The following SERPINH1 variants were observed in gnomAD, a reference collection of about 807,000 sequenced individuals.
The protein encoded by SERPINH1 is serpin H1.
In SERPINH1, 22 loss-of-function variants were observed where a neutral mutation model predicts 32.3. The observed-to-expected ratio is 0.68, with a 90% CI of 0.49 to 0.97. The LOEUF (loss-of-function observed/expected upper bound fraction) is 0.97. SERPINH1 is among the 50% of genes least tolerant of loss of function. The pLI, the probability that SERPINH1 is intolerant of heterozygous loss-of-function variation, is 0.00. For missense variants in SERPINH1, 543 were observed against 576.4 expected, an observed-to-expected ratio of 0.94 and a Z score of 0.59; for synonymous variants, 251 against 245.9, an observed-to-expected ratio of 1.02 and a Z score of -0.19.
intron 1 of SERPINH1, 21 bp from the exon 2 acceptor site, chr11:75,566,295 C>T (rs1942070287): frequency 6.3e-7 from 1 of 1,576,712 alleles, no homozygotes; most frequent in African/African-American, 1.3e-5. Context: ...CAAGACCACC[C>T]TGTCTGTGCA....
At chr11:75,565,022 A>G (rs546274267) in intron 1 of SERPINH1, among the ~76,000 whole-genome samples, 3 of 152,214 alleles carry the variant, frequency 2.0e-5, no homozygotes, top group Admixed American at 6.5e-5. Context: ...GATTCCTTCT[A>G]TCCTTCCCTT....
intron 4 of SERPINH1, chr11:75,569,425 T>C: frequency 2.4e-6 from 1 of 419,408 alleles, no homozygotes; most frequent in Non-Finnish European, 4.2e-6. Flanking sequence ...ATATGTATTA[T>C]TATTATTTTT....
chr11:75,566,500 G>A lies in SERPINH1; in HGVS notation c.151G>A (p.Ala51Thr), dbSNP rs1171329004. Residue 51 changes from alanine (A) to threonine (T), a missense_variant, in exon 2 of 5, where the codon GCC (alanine) becomes ACC (threonine). Around this residue, in one of 3 missense-constraint regions of SERPINH1, gnomAD observed 109 missense variants for 102.4 expected, o/e 1.06. Transcript: ENST00000358171. ...ATLAERSAGL[A>T]FSLYQAMAKD... Reference sequence around the variant, plus strand: ...GCTTGCCGAGCGCAGCGCCGGCCTGGCCTTCAGCTTGTACCAGGCCATGGC... The same window carrying A: ...GCTTGCCGAGCGCAGCGCCGGCCTGACCTTCAGCTTGTACCAGGCCATGGC... The A allele has an allele frequency of 6.2e-7, 1 of 1,612,406 alleles. No individual in the cohort carries two copies. The highest frequency in any genetic ancestry group is 8.5e-7 in the Non-Finnish European group (1 of 1,179,806).
At position 75,566,949 on chromosome 11, in the gene SERPINH1, A is replaced by C. The variant is rs764723506; in HGVS notation, c.600A>C (p.Leu200=). 203 of 1,600,120 alleles carry C rather than the reference A, an allele frequency of 1.3e-4. No homozygotes were observed. Among genetic ancestry groups the C allele is most frequent in the Non-Finnish European group, 1.7e-4 (200 of 1,178,624 alleles). The change falls in exon 2 of 5, where the codon CTA becomes CTC. Residue 200 remains leucine (L), a synonymous_variant. Coordinates refer to ENST00000358171, the MANE Select transcript of SERPINH1 (RefSeq NM_001235.5). The part of the protein sequence containing the change: ...KDVERTDGAL[L]VNAMFFKPHW... The stretch of plus-strand genomic sequence containing the variant: ...TGGAGCGCACGGACGGCGCCCTGCT[A>C]GTCAACGCCATGTTCTTCAAGCGTG...
In SERPINH1 at chr11:75,572,410, A is replaced by T. The variant is rs1942215376; in HGVS notation, c.*327A>T. 2 of 395,596 alleles carry T rather than the reference A, an allele frequency of 5.1e-6. No homozygotes were observed. The highest frequency in any genetic ancestry group is 9.6e-6 in the Non-Finnish European group (2 of 207,790). 24.5% of individuals were successfully genotyped at this position (395,596 alleles called of 1,614,324 possible). On this transcript the variant is annotated 3_prime_UTR_variant, in exon 5 of 5. Transcript: ENST00000358171. ...CATATTTATAGCCAGGTACCTTCTCACCTGTGAGACCAAATTGAGCTAGGG... is the reference window on the plus strand; with the variant it reads ...CATATTTATAGCCAGGTACCTTCTCTCCTGTGAGACCAAATTGAGCTAGGG...
chr11:75,570,944 T>G (rs1299912918), intron 4 of SERPINH1, among the ~76,000 whole-genome samples: 3 of 152,178 alleles, frequency 2.0e-5, no homozygotes. Flanking sequence ...TATAAGCTGT[T>G]CTGTGAGGCT....
In SERPINH1 at chr11:75,565,311, T is replaced by G. The variant is rs372656541; in HGVS notation, c.-34-1005T>G. 3.8e-4 allele frequency among the ~76,000 whole-genome samples: 58 copies of G among 152,292 alleles called. 1 individual carries two copies. The East Asian group carries it at 0.011, about 28-fold the overall frequency. ...ATGTGGCTCCAGCTTCTTTGAAGGC[T>G]GAGTGCACATCTGGCCAGCTGCTGG... On this transcript the variant is annotated intron_variant, in intron 1 of 4. Coordinates refer to ENST00000358171, the MANE Select transcript of SERPINH1 (RefSeq NM_001235.5).
Position 75,569,104 on chromosome 11 carries a change from A to C in SERPINH1, c.887A>C (p.Lys296Thr). 6.2e-7 allele frequency: 1 copy of C among 1,614,184 alleles called. No individual in the cohort carries two copies. The highest frequency in any genetic ancestry group is 8.5e-7 in the Non-Finnish European group (1 of 1,180,002). ...TKEQLKIWMG[K>T]MQKKAVAISL... ...GAGCAGCTGAAGATCTGGATGGGGA[A>C]GATGCAGAAGAAGGCTGTTGCCATC... The change falls in exon 4 of 5, where the codon AAG (lysine) becomes ACG (threonine). Residue 296 changes from lysine to threonine, a missense_variant. Lys to Thr is a moderately conservative substitution (Grantham distance 78). Around this residue, in one of 3 missense-constraint regions of SERPINH1, gnomAD observed 427 missense variants for 446.4 expected, o/e 0.96. Coordinates refer to ENST00000358171, the MANE Select transcript of SERPINH1 (RefSeq NM_001235.5).
Position 75,571,810 on chromosome 11 carries a change from G to A in SERPINH1, c.984G>A (p.Glu328=), listed in dbSNP as rs768537447. The A allele has an allele frequency of 1.2e-6, 2 of 1,614,080 alleles. No homozygotes were observed. The highest frequency in any genetic ancestry group is 3.3e-5 in the Admixed American group (2 of 60,032). The change falls in exon 5 of 5, where the codon GAG becomes GAA. Residue 328 remains glutamate (E), a synonymous_variant. Coordinates refer to ENST00000358171, the MANE Select transcript of SERPINH1 (RefSeq NM_001235.5). ...ACCTGGCTGGGCTGGGCCTGACTGA[G>A]GCCATTGACAAGAACAAGGCCGACT... is the stretch of plus-strand genomic sequence containing the variant. ...QKHLAGLGLT[E]AIDKNKADLS...
At chr11:75,567,224 C>T (rs564707599) in intron 2 of SERPINH1, among the ~76,000 whole-genome samples, 6 of 152,364 alleles carry the variant, frequency 3.9e-5, no homozygotes, top group African/African-American at 9.6e-5. Context: ...GACCGAATTT[C>T]GTCAAAGTGC....
intron 2 of SERPINH1, chr11:75,568,473 T>G: frequency 3.8e-6 from 2 of 533,028 alleles, no homozygotes; most frequent in Non-Finnish European, 6.8e-6. Context: ...GCGGAATTAA[T>G]TCTCTATCAT....
intron 1 of SERPINH1, among the ~76,000 whole-genome samples, chr11:75,565,036 C>T (rs1191927710): frequency 6.6e-6 from 1 of 152,226 alleles, no homozygotes; most frequent in African/African-American, 2.4e-5. Flanking sequence ...TTCCCTTTGC[C>T]CTGTCATCTC....
Position 75,572,062 on chromosome 11 carries a change from C to T in SERPINH1, c.1236C>T (p.Asp412=). ...GGCGCCTGGTCCGGCCTAAGGGTGACAAGATGCGAGACGAGTTATAGGGCC... is the reference window on the plus strand; with the variant it reads ...GGCGCCTGGTCCGGCCTAAGGGTGATAAGATGCGAGACGAGTTATAGGGCC... ...FIGRLVRPKG[D]KMRDEL Residue 412 remains aspartate (D), a synonymous_variant, in exon 5 of 5, where the codon GAC becomes GAT. Transcript: ENST00000358171. The T allele has an allele frequency of 1.2e-6, 2 of 1,614,076 alleles. No homozygotes were observed. Among genetic ancestry groups the T allele is most frequent in the East Asian group, 4.5e-5 (2 of 44,868 alleles).
At position 75,565,025 on chromosome 11, in the gene SERPINH1, C is replaced by T. The variant is rs565135680; in HGVS notation, c.-34-1291C>T. 1.8e-4 allele frequency among the ~76,000 whole-genome samples: 28 copies of T among 152,354 alleles called. 1 individual carries two copies. In the South Asian group the frequency reaches 5.8e-3, roughly 32 times the overall value. On this transcript the variant is annotated intron_variant, in intron 1 of 4. Transcript: ENST00000358171. Reference sequence around the variant, plus strand: ...AGCCTCCACCAGGATTCCTTCTATCCTTCCCTTTGCCCTGTCATCTCTCCT... The same window carrying T: ...AGCCTCCACCAGGATTCCTTCTATCTTTCCCTTTGCCCTGTCATCTCTCCT...
Position 75,572,501 on chromosome 11 carries a change from T to C in SERPINH1, c.*418T>C. On this transcript the variant is annotated 3_prime_UTR_variant, in exon 5 of 5. Transcript: ENST00000358171. ...GCCTCCCCAGCTCTATCCCAACCTCTCCCAACTATAAAACTAGGTGCTGCA... is the reference window on the plus strand; with the variant it reads ...GCCTCCCCAGCTCTATCCCAACCTCCCCCAACTATAAAACTAGGTGCTGCA... The C allele has an allele frequency of 3.8e-6, 1 of 262,776 alleles. No homozygotes were observed. The highest frequency in any genetic ancestry group is 7.5e-6 in the Non-Finnish European group (1 of 134,136). The allele number at this position is 262,776 out of a possible 1,614,324, so 16.3% of individuals were successfully genotyped here.
At chr11:75,568,477 C>T in intron 2 of SERPINH1, 1 of 543,752 alleles carries the variant, frequency 1.8e-6, no homozygotes, top group Non-Finnish European at 3.3e-6. Flanking sequence ...AATTAATTCT[C>T]TATCATATGG....
intron 1 of SERPINH1, 97 bp from the exon 2 acceptor site, chr11:75,566,219 A>G (rs1942068809): frequency 8.8e-7 from 1 of 1,136,598 alleles, no homozygotes; most frequent in South Asian, 1.4e-5. Context: ...TCTTGCCCCC[A>G]TCTCCAGGGG....
chr11:75,568,284 C>T, intron 2 of SERPINH1: 1 of 263,358 alleles, frequency 3.8e-6, no homozygotes, highest in East Asian at 8.7e-5. Flanking sequence ...TGGGACGGAC[C>T]TTGTCTCAAA....
Position 75,572,140 on chromosome 11 carries a change from G to A in SERPINH1, c.*57G>A. The A allele has an allele frequency of 1.3e-6, 2 of 1,555,788 alleles. No homozygotes were observed. The highest frequency in any genetic ancestry group is 1.1e-5 in the South Asian group (1 of 88,754). On this transcript the variant is annotated 3_prime_UTR_variant, in exon 5 of 5. Coordinates refer to ENST00000358171, the MANE Select transcript of SERPINH1 (RefSeq NM_001235.5). The stretch of plus-strand genomic sequence containing the variant: ...CATCCAAAGGCTCCTGAGACACATG[G>A]GTGCTATTGGGGTTGGGGGGGAGGT...
Sources: allele counts gnomAD v4.1 joint callset (sites outside exome capture counted in the v4.1 genomes callset), GRCh38; gene constraint gnomAD v4.1.1; regional missense constraint gnomAD v4.1.1; transcripts MANE v1.5; gene names NCBI Gene and HGNC (gene_info 2026-07-23, HGNC 2026-07-21).